MAST4: variants seen among roughly 807,000 people sequenced by gnomAD.
MAST4 encodes the protein microtubule associated serine/threonine kinase family member 4, also known as microtubule-associated serine/threonine-protein kinase 4.
A neutral mutation model predicts 162.7 loss-of-function variants in MAST4; 89 were observed. That is an observed-to-expected ratio of 0.55 (90% confidence interval 0.46 to 0.65). MAST4 has a LOEUF of 0.65. MAST4 is among the 30% of genes least tolerant of loss of function. The pLI, the probability that MAST4 is intolerant of heterozygous loss-of-function variation, is 0.00. For synonymous variants in MAST4, 1,479 were observed against 1,361.1 expected, an observed-to-expected ratio of 1.09 and a Z score of -1.91; for missense variants, 3,153 against 3,374.0, an observed-to-expected ratio of 0.93 and a Z score of 1.62.
At chr5:67,143,466 G>A (rs1395564497) in intron 21 of MAST4, among the ~76,000 whole-genome samples, 1 of 152,004 alleles carries the variant, frequency 6.6e-6, no homozygotes, top group Non-Finnish European at 1.5e-5. Context: ...GACAGAACAA[G>A]GCCCTAGGAA....
At position 66,759,692 on chromosome 5, in the gene MAST4, T is replaced by A. The variant is rs765027554; in HGVS notation, c.364-17T>A. ...TTGATGCCCTAGCCAGTGATGCCATTCTTCCTCTTTCTGCAGCTTGACCAC... is the reference window on the plus strand; with the variant it reads ...TTGATGCCCTAGCCAGTGATGCCATACTTCCTCTTTCTGCAGCTTGACCAC... On this transcript the variant is annotated splice_polypyrimidine_tract_variant and intron_variant, in intron 1 of 28. Coordinates refer to ENST00000403625, the MANE Select transcript of MAST4 (RefSeq NM_001164664.2). The A allele has an allele frequency of 6.2e-6, 10 of 1,613,202 alleles. No homozygotes were observed. Among genetic ancestry groups the A allele is most frequent in the Admixed American group, 1.7e-5 (1 of 59,946 alleles).
At chr5:66,813,185 G>A (rs934725199) in intron 3 of MAST4, among the ~76,000 whole-genome samples, 6 of 152,164 alleles carry the variant, frequency 3.9e-5, no homozygotes, top group African/African-American at 1.4e-4. Context: ...ACTTTGTGGG[G>A]AGCTTTTCAT....
chr5:66,765,098 G>A (rs756376710), intron 2 of MAST4, among the ~76,000 whole-genome samples: 1 of 152,166 alleles, frequency 6.6e-6, no homozygotes, highest in Non-Finnish European at 1.5e-5. Context: ...CACGTTTGTA[G>A]CCTAGGAGTA....
chr5:67,087,565 G>C (rs770450581), intron 5 of MAST4, among the ~76,000 whole-genome samples: 1 of 152,108 alleles, frequency 6.6e-6, no homozygotes. Context: ...CCTTCCTGAA[G>C]TCACCTTCTG....
At chr5:67,049,608 T>C (rs1164054745) in intron 4 of MAST4, among the ~76,000 whole-genome samples, 1 of 152,196 alleles carries the variant, frequency 6.6e-6, no homozygotes, top group Non-Finnish European at 1.5e-5. Flanking sequence ...ATTAGGACGA[T>C]GTAATAATTC....
At chr5:66,964,493 C>G (rs943188409) in intron 4 of MAST4, among the ~76,000 whole-genome samples, 134 of 152,272 alleles carry the variant, frequency 8.8e-4, no homozygotes, top group African/African-American at 3.0e-3. Flanking sequence ...CGTCCCTTTC[C>G]CCTTTTTAAA....
At chr5:66,803,408 C>G (rs954907671) in intron 3 of MAST4, among the ~76,000 whole-genome samples, 1 of 152,136 alleles carries the variant, frequency 6.6e-6, no homozygotes, top group Non-Finnish European at 1.5e-5. Context: ...TCATGAAATC[C>G]TGTAAGCTGA....
At chr5:67,040,643 C>T (rs1343385338) in intron 4 of MAST4, among the ~76,000 whole-genome samples, 2 of 152,216 alleles carry the variant, frequency 1.3e-5, no homozygotes, top group Admixed American at 6.5e-5. Flanking sequence ...ACCTGACCCT[C>T]ATGCTACAGA....
chr5:66,786,027 C>A (rs1755102073), intron 2 of MAST4, among the ~76,000 whole-genome samples: 1 of 152,024 alleles, frequency 6.6e-6, no homozygotes, highest in South Asian at 2.1e-4. Context: ...TGCTACCACA[C>A]CTGGCTAACT....
chr5:66,770,772 G>A (rs1754324303), intron 2 of MAST4, among the ~76,000 whole-genome samples: 1 of 152,214 alleles, frequency 6.6e-6, no homozygotes, highest in South Asian at 2.1e-4. Flanking sequence ...GGCTTCATTA[G>A]CAAATTGGCA....
At chr5:66,825,545 T>C (rs1757209852) in intron 3 of MAST4, among the ~76,000 whole-genome samples, 1 of 148,962 alleles carries the variant, frequency 6.7e-6, no homozygotes, top group African/African-American at 2.4e-5. Flanking sequence ...AATCTCAATA[T>C]ACGCTTTTTT....
rs1464929497 is a variant in MAST4 at position 67,168,583 on chromosome 5, C to T, written c.*1532C>T. 6.6e-6 allele frequency: 1 copy of T among 152,092 alleles called. No homozygotes were observed. Among genetic ancestry groups the T allele is most frequent in the African/African-American group, 2.4e-5 (1 of 41,404 alleles). 9.4% of individuals were successfully genotyped at this position (152,092 alleles called of 1,614,324 possible). A position where few individuals can be genotyped will look rare whatever the true frequency, so the allele number is the denominator to read the frequency against. The stretch of plus-strand genomic sequence containing the variant: ...AAGATGGCACTTGCTGATATAAATA[C>T]TAAGGCACTAAGAGAAAATACAGAT... On this transcript the variant is annotated 3_prime_UTR_variant, in exon 29 of 29. Coordinates refer to ENST00000403625, the MANE Select transcript of MAST4 (RefSeq NM_001164664.2).
chr5:66,676,695 A>G (rs957294068), intron 1 of MAST4, among the ~76,000 whole-genome samples: 1 of 152,200 alleles, frequency 6.6e-6, no homozygotes, highest in South Asian at 2.1e-4. Context: ...GGCTGCCATA[A>G]CACAAGTGGC....
chr5:67,101,982 A>G (rs1027451426), intron 8 of MAST4, among the ~76,000 whole-genome samples: 3 of 150,502 alleles, frequency 2.0e-5, no homozygotes, highest in Admixed American at 6.7e-5. Context: ...TCTGTTTCAT[A>G]TAATACATAA....
At chr5:66,851,720 C>T (rs1759326706) in intron 3 of MAST4, among the ~76,000 whole-genome samples, 2 of 152,150 alleles carry the variant, frequency 1.3e-5, no homozygotes, top group Admixed American at 1.3e-4. Context: ...AGTGGAGCCC[C>T]TATTTGTATC....
At chr5:66,978,208 A>C (rs1748371437) in intron 4 of MAST4, among the ~76,000 whole-genome samples, 1 of 152,080 alleles carries the variant, frequency 6.6e-6, no homozygotes, top group South Asian at 2.1e-4. Flanking sequence ...AGTAAAATGC[A>C]CTCCTCTATT....
At chr5:66,983,509 G>C (rs1207334017) in intron 4 of MAST4, among the ~76,000 whole-genome samples, 2 of 152,122 alleles carry the variant, frequency 1.3e-5, no homozygotes, top group Non-Finnish European at 2.9e-5. Flanking sequence ...TTGCTTTAAG[G>C]GACTTGGGGC....
At chr5:67,073,664 C>T (rs1206803465) in intron 5 of MAST4, among the ~76,000 whole-genome samples, 2 of 152,084 alleles carry the variant, frequency 1.3e-5, no homozygotes, top group East Asian at 3.9e-4. Context: ...ACAATCCAAG[C>T]ATTCATATAT....
chr5:66,667,386 G>T (rs1747329111), intron 1 of MAST4, among the ~76,000 whole-genome samples: 4 of 152,030 alleles, frequency 2.6e-5, no homozygotes, highest in Admixed American at 2.6e-4. Context: ...TGTAACTGTT[G>T]GTATCTTGTT....
Sources: gnomAD v4.1 joint callset for allele counts (sites outside exome capture counted in the v4.1 genomes callset) on GRCh38, gnomAD v4.1.1 for gene constraint, MANE v1.5 for transcripts, NCBI Gene and HGNC (gene_info 2026-07-23, HGNC 2026-07-21) for gene names.